The following FSTL5 variants were observed in gnomAD, a reference collection of about 807,000 sequenced individuals.
FSTL5 encodes the protein follistatin like 5, also known as follistatin-related protein 5.
Under a neutral mutation model 89.1 loss-of-function variants are expected in FSTL5, and 62 were observed. That is an observed-to-expected ratio of 0.70 (90% CI 0.57 to 0.86). FSTL5 has a LOEUF of 0.86. Among genes scored for constraint, FSTL5 ranks in the 40% least tolerant of loss-of-function variants. The pLI, the probability that FSTL5 is intolerant of heterozygous loss-of-function variation, is 0.00. For synonymous variants in FSTL5, 383 were observed against 346.2 expected (o/e 1.11, Z -1.18); for missense variants, 1,057 against 1,001.6 (o/e 1.06, Z -0.75).
intron 4 of FSTL5, among the ~76,000 whole-genome samples, chr4:161,781,342 T>C (rs950078029): frequency 6.6e-6 from 1 of 151,786 alleles, no homozygotes; most frequent in African/African-American, 2.4e-5. Context: ...AAAAAAAAAA[T>C]TTAAATCTAA....
chr4:161,784,542 C>A (rs988274959), intron 4 of FSTL5, among the ~76,000 whole-genome samples: 1 of 152,072 alleles, frequency 6.6e-6, no homozygotes, highest in Non-Finnish European at 1.5e-5. Flanking sequence ...TTTGTCACAT[C>A]ATTCAAATAT....
intron 4 of FSTL5, among the ~76,000 whole-genome samples, chr4:161,891,526 G>A (rs936898942): frequency 7.9e-5 from 12 of 152,128 alleles, no homozygotes; most frequent in South Asian, 2.1e-4. Context: ...ATAAAATCAC[G>A]TCTCATAAGA....
chr4:161,777,409 C>T (rs931238371), intron 4 of FSTL5, among the ~76,000 whole-genome samples: 5 of 151,738 alleles, frequency 3.3e-5, no homozygotes, highest in African/African-American at 4.8e-5. Context: ...AGTATATATC[C>T]AGCAGTGGGA....
intron 4 of FSTL5, among the ~76,000 whole-genome samples, chr4:161,788,825 A>G (rs765378769): frequency 3.3e-5 from 5 of 152,156 alleles, no homozygotes; most frequent in Admixed American, 6.5e-5. Flanking sequence ...TTGAGCCCAT[A>G]AGTTTGAGGT....
intron 13 of FSTL5, among the ~76,000 whole-genome samples, chr4:161,474,915 A>G (rs143699525): frequency 1.3e-5 from 2 of 152,086 alleles, no homozygotes; most frequent in Non-Finnish European, 2.9e-5. Flanking sequence ...CATTTCTTAC[A>G]GGACAAGTCT....
intron 3 of FSTL5, among the ~76,000 whole-genome samples, chr4:162,025,395 T>C (rs1737242405): frequency 6.6e-6 from 1 of 152,158 alleles, no homozygotes; most frequent in South Asian, 2.1e-4. Context: ...CTTCATTTAA[T>C]ACTTCAAACA....
intron 2 of FSTL5, among the ~76,000 whole-genome samples, chr4:162,090,123 C>T (rs1730488977): frequency 6.6e-6 from 1 of 152,008 alleles, no homozygotes; most frequent in African/African-American, 2.4e-5. Context: ...AATGTAAAAA[C>T]CTAAAACTAT....
chr4:162,159,445 T>C (rs1286926365), intron 1 of FSTL5, among the ~76,000 whole-genome samples: 2 of 152,056 alleles, frequency 1.3e-5, no homozygotes, highest in African/African-American at 4.8e-5. Flanking sequence ...TGTATTGACA[T>C]ACAAATGAAC....
chr4:161,983,592 A>T lies in FSTL5; in HGVS notation c.160+50033T>A, dbSNP rs568363325. ...TACTTGCAATTTTATCATTAATATG[A>T]AATACGTGTCTTCCCTTAAGAGAGT... is the stretch of plus-strand genomic sequence containing the variant. On this transcript the variant is annotated intron_variant, in intron 3 of 15. Transcript: ENST00000306100. 1.1e-4 allele frequency among the ~76,000 whole-genome samples: 17 copies of T among 152,284 alleles called. 1 individual carries two copies. In the East Asian group the frequency reaches 3.3e-3, roughly 29 times the overall value.
intron 7 of FSTL5, among the ~76,000 whole-genome samples, chr4:161,649,043 T>C (rs966045247): frequency 6.6e-6 from 1 of 152,152 alleles, no homozygotes; most frequent in African/African-American, 2.4e-5. Flanking sequence ...GCTACTAGTG[T>C]CAGATATGCA....
At chr4:161,472,533 C>G (rs969963305) in intron 13 of FSTL5, among the ~76,000 whole-genome samples, 12 of 151,928 alleles carry the variant, frequency 7.9e-5, no homozygotes, top group Non-Finnish European at 1.5e-5. Flanking sequence ...TTTGCCATGT[C>G]CCATAAGTTT....
In FSTL5 at chr4:161,542,574, T is replaced by A. The variant is rs778361920; in HGVS notation, c.1135A>T (p.Ile379Phe). The change falls in exon 9 of 16, where the codon ATT becomes TTT. Residue 379 changes from isoleucine (I) to phenylalanine (F), a missense_variant. Coordinates refer to ENST00000306100, the MANE Select transcript of FSTL5 (RefSeq NM_020116.5). ...KPQLGWLKNG[I>F]DITPKLSKQL... The stretch of plus-strand genomic sequence containing the variant: ...TTGGAAAGCTTTGGTGTAATATCAA[T>A]TCCATTCTTCAACCAGCCAAGCTGA... The A allele has an allele frequency of 3.2e-6, 5 of 1,562,256 alleles. No homozygotes were observed. Among genetic ancestry groups the A allele is most frequent in the Non-Finnish European group, 4.3e-6 (5 of 1,151,122 alleles).
intron 15 of FSTL5, among the ~76,000 whole-genome samples, chr4:161,451,201 C>T (rs551144327): frequency 0.11 from 2,596 of 23,196 alleles, 75 homozygotes; most frequent in African/African-American, 0.34. Context: ...ATCTCTTCAA[C>T]TTTAAAACTA....
chr4:161,874,840 C>A (rs1009518201), intron 4 of FSTL5, among the ~76,000 whole-genome samples: 1 of 152,014 alleles, frequency 6.6e-6, no homozygotes, highest in Non-Finnish European at 1.5e-5. Context: ...GTGAAGCTAA[C>A]TAATGAACAT....
At chr4:161,683,747 A>C (rs1479291867) in intron 6 of FSTL5, among the ~76,000 whole-genome samples, 2 of 152,264 alleles carry the variant, frequency 1.3e-5, no homozygotes, top group Middle Eastern at 3.4e-3. Context: ...TTTTAAAATT[A>C]ATTATATTTA....
chr4:162,149,278 C>T (rs1344377839), intron 1 of FSTL5, among the ~76,000 whole-genome samples: 2 of 152,024 alleles, frequency 1.3e-5, no homozygotes, highest in Non-Finnish European at 2.9e-5. Context: ...ATGGCTCAAG[C>T]CTGTAATCCA....
At chr4:162,136,890 A>G (rs1301913537) in intron 1 of FSTL5, among the ~76,000 whole-genome samples, 1 of 152,084 alleles carries the variant, frequency 6.6e-6, no homozygotes, top group African/African-American at 2.4e-5. Flanking sequence ...AAGCTGTAGT[A>G]TGCAGAATTT....
At chr4:161,679,688 T>C (rs947019802) in intron 6 of FSTL5, among the ~76,000 whole-genome samples, 1 of 151,842 alleles carries the variant, frequency 6.6e-6, no homozygotes, top group African/African-American at 2.4e-5. Flanking sequence ...CTATGTGAAT[T>C]AGGTAAAATT....
At chr4:161,987,487 C>A (rs28723043) in intron 3 of FSTL5, among the ~76,000 whole-genome samples, 3 of 133,716 alleles carry the variant, frequency 2.2e-5, no homozygotes, top group African/African-American at 8.4e-5. Context: ...TATATATATA[C>A]ATACATATAT....
Sources: gnomAD v4.1 joint callset for allele counts (sites outside exome capture counted in the v4.1 genomes callset) on GRCh38, gnomAD v4.1.1 for gene constraint, MANE v1.5 for transcripts, NCBI Gene and HGNC (gene_info 2026-07-23, HGNC 2026-07-21) for gene names.